KRT8: variants seen among roughly 807,000 people sequenced by gnomAD.
KRT8 encodes the protein keratin, type II cytoskeletal 8.
A neutral mutation model predicts 43.0 loss-of-function variants in KRT8; 24 were observed. That is an observed-to-expected ratio of 0.56 (90% confidence interval 0.40 to 0.78). The LOEUF (loss-of-function observed/expected upper bound fraction) is 0.78, where lower values mean the gene tolerates loss of function less well. Among genes scored for constraint, KRT8 ranks in the 30% least tolerant of loss-of-function variants. The pLI is 0.00. For missense variants in KRT8, 492 were observed against 638.4 expected, an observed-to-expected ratio of 0.77 and a Z score of 2.47; for synonymous variants, 214 against 261.2, an observed-to-expected ratio of 0.82 and a Z score of 1.74.
chr12:52,942,304 A>C (rs138736148), intron 2 of KRT8, among the ~76,000 whole-genome samples: 150 of 152,282 alleles, frequency 9.9e-4, no homozygotes, highest in Non-Finnish European at 1.4e-3. Flanking sequence ...TGGGCACCCA[A>C]CTTAGGCACC....
intron 2 of KRT8, among the ~76,000 whole-genome samples, chr12:52,922,463 A>G (rs560250804): frequency 5.9e-5 from 9 of 152,320 alleles, no homozygotes; most frequent in Non-Finnish European, 8.8e-5. Context: ...ACTTGAGCTC[A>G]GAAGTTCAAG....
intron 2 of KRT8, among the ~76,000 whole-genome samples, chr12:52,916,717 G>A (rs979716223): frequency 6.6e-6 from 1 of 152,170 alleles, no homozygotes; most frequent in Admixed American, 6.5e-5. Context: ...GTAACAGCAC[G>A]ATGAGGCTGT....
chr12:52,921,075 C>T (rs1260775255), intron 2 of KRT8, among the ~76,000 whole-genome samples: 1 of 152,178 alleles, frequency 6.6e-6, no homozygotes, highest in Non-Finnish European at 1.5e-5. Flanking sequence ...AATCTGTTGA[C>T]CTGGATGGTG....
At chr12:52,901,338 T>A in intron 2 of KRT8, 119 bp from the exon 3 acceptor site, 1 of 777,568 alleles carries the variant, frequency 1.3e-6, no homozygotes, top group Non-Finnish European at 2.3e-6. Flanking sequence ...ATGCAGGATA[T>A]GAGAAGGCTG....
At chr12:52,924,715 T>C (rs185738574) in intron 2 of KRT8, among the ~76,000 whole-genome samples, 3 of 152,330 alleles carry the variant, frequency 2.0e-5, no homozygotes, top group East Asian at 3.9e-4. Flanking sequence ...TATAGGACAC[T>C]ACTGTGATGG....
upstream of KRT8, chr12:52,906,818 G>A (rs1385855201): frequency 1.3e-5 from 6 of 455,226 alleles, no homozygotes; most frequent in Admixed American, 7.1e-5. Context: ...GAGGACAGAT[G>A]TACAGTTTCT....
intron 2 of KRT8, among the ~76,000 whole-genome samples, chr12:52,917,235 T>A (rs953558487): frequency 2.6e-5 from 4 of 151,044 alleles, no homozygotes; most frequent in East Asian, 2.0e-4. Context: ...GGTAAAAAAA[T>A]ATATATATAC....
chr12:52,905,112 G>A (rs184843692), upstream of KRT8: 1,330 of 1,441,074 alleles, frequency 9.2e-4, 14 homozygotes, highest in African/African-American at 0.018. Context: ...CCCGGGGGAT[G>A]GGGGGGAAAG....
upstream of KRT8, among the ~76,000 whole-genome samples, chr12:52,909,148 T>C (rs1941581968): frequency 6.6e-6 from 1 of 152,186 alleles, no homozygotes; most frequent in African/African-American, 2.4e-5. Context: ...AACAAAGTTG[T>C]AACAAAAAGA....
exon 8 of KRT8, chr12:52,897,356 T>G (rs771815578): frequency 7.4e-7 from 1 of 1,359,548 alleles, no homozygotes; most frequent in Non-Finnish European, 1.0e-6. Flanking sequence ...AGTGCTACCC[T>G]GCATAGCGGC....
At chr12:52,906,801 C>G (rs1327331482), upstream of KRT8, 1 of 455,636 alleles carries the variant, frequency 2.2e-6, no homozygotes. Context: ...GGGTGACCAC[C>G]TACTGGGAGG....
exon 1 of KRT8, chr12:52,904,933 G>C: frequency 6.2e-7 from 1 of 1,612,320 alleles, no homozygotes; most frequent in Non-Finnish European, 8.5e-7. Flanking sequence ...AAGGCCCGGG[G>C]GCCAGAGGTG....
At chr12:52,901,432 T>C in intron 2 of KRT8, 1 of 618,442 alleles carries the variant, frequency 1.6e-6, no homozygotes, top group Non-Finnish European at 2.9e-6. Flanking sequence ...TCCAAATCCA[T>C]GAATACACAT....
intron 2 of KRT8, chr12:52,948,605 C>T (rs985866039): frequency 7.3e-6 from 2 of 273,120 alleles, no homozygotes; most frequent in Non-Finnish European, 1.3e-5. Context: ...GATTCCCCTT[C>T]CTCAGCCTCC....
chr12:52,918,082 G>GGAA (rs1941787438), intron 2 of KRT8, among the ~76,000 whole-genome samples: 1 of 134,694 alleles, frequency 7.4e-6, no homozygotes, highest in Non-Finnish European at 1.6e-5. Flanking sequence ...AAGAGGAGGA[G>GGAA]GAGGAGAAGA....
chr12:52,935,094 A>C (rs1171890813), intron 2 of KRT8, among the ~76,000 whole-genome samples: 1 of 151,430 alleles, frequency 6.6e-6, no homozygotes, highest in East Asian at 1.9e-4. Context: ...GAAAAAAAAA[A>C]AATAGGCCTG....
At chr12:52,938,147 T>C (rs1229807851) in intron 2 of KRT8, among the ~76,000 whole-genome samples, 4 of 31,448 alleles carry the variant, frequency 1.3e-4, no homozygotes, top group Non-Finnish European at 2.4e-4. Flanking sequence ...TATATATATA[T>C]ATATATATAT....
intron 2 of KRT8, among the ~76,000 whole-genome samples, chr12:52,945,444 G>A (rs946535219): frequency 6.6e-5 from 10 of 152,104 alleles, no homozygotes; most frequent in African/African-American, 1.9e-4. Flanking sequence ...TTGCTGTTCC[G>A]AACACCTCCC....
chr12:52,903,858 G>GCCCACCCCACCCCACCCCAC (rs557895911), intron 1 of KRT8, among the ~76,000 whole-genome samples: 1 of 59,432 alleles, frequency 1.7e-5, no homozygotes, highest in Non-Finnish European at 3.4e-5. Context: ...CCCCACCCCA[G>GCCCACCCCACCCCACCCCAC]CCCACCCCAC....
Sources: allele counts gnomAD v4.1 joint callset (sites outside exome capture counted in the v4.1 genomes callset), GRCh38; gene constraint gnomAD v4.1.1; transcripts MANE v1.5; gene names NCBI Gene and HGNC (gene_info 2026-07-23, HGNC 2026-07-21).